Variants in ARHGAP32 observed in about 807,000 individuals in gnomAD.
The protein encoded by ARHGAP32 is Rho GTPase activating protein 32.
ARHGAP32 carries 51 observed loss-of-function variants against 186.5 expected under a neutral mutation model. The observed-to-expected ratio is 0.27, with a 90% CI of 0.22 to 0.35. The LOEUF is 0.35. Among genes scored for constraint, ARHGAP32 ranks in the 10% least tolerant of loss-of-function variants. The pLI is 1.00. For synonymous variants in ARHGAP32, 950 were observed against 964.3 expected (o/e 0.99, Z 0.27); for missense variants, 2,186 against 2,623.5 (o/e 0.83, Z 3.64).
intron 11 of ARHGAP32, among the ~76,000 whole-genome samples, chr11:129,016,325 C>T (rs1938335739): frequency 6.6e-6 from 1 of 152,084 alleles, no homozygotes; most frequent in Non-Finnish European, 1.5e-5. Flanking sequence ...TCTTTTATTG[C>T]ACAAATTTTT....
intron 1 of ARHGAP32, among the ~76,000 whole-genome samples, chr11:129,255,410 A>G (rs1565482188): frequency 6.6e-6 from 1 of 152,122 alleles, no homozygotes; most frequent in East Asian, 1.9e-4. Context: ...TCTAAACACA[A>G]AAGATAAAAC....
At chr11:129,017,824 G>C (rs1938423481) in intron 11 of ARHGAP32, among the ~76,000 whole-genome samples, 1 of 152,036 alleles carries the variant, frequency 6.6e-6, no homozygotes. Flanking sequence ...AAATTCACTT[G>C]GGTTTGTTGG....
At position 129,192,086 on chromosome 11, in the gene ARHGAP32, A is replaced by C. The variant is rs371449602; in HGVS notation, c.113T>G (p.Phe38Cys). 1.2e-5 allele frequency: 20 copies of C among 1,610,942 alleles called. No individual in the cohort carries two copies. The highest frequency in any genetic ancestry group is 1.7e-5 in the Admixed American group (1 of 59,972). ...DCEEEEREEK[F>C]RKMKSSVHSE... ...GAACTGTGAATTCCATAATCACCTG[A>C]ACTTCTCTTCCCTTTCTTCCTCTTC... The change falls in exon 1 of 23, where the codon TTC (phenylalanine) becomes TGC (cysteine). Residue 38 changes from phenylalanine (F) to cysteine (C), a missense_variant. Physicochemically the swap from Phe to Cys is radical, Grantham distance 205 (BLOSUM62 -2). Coordinates refer to ENST00000682385, the MANE Select transcript of ARHGAP32 (RefSeq NM_001378024.1).
intron 11 of ARHGAP32, among the ~76,000 whole-genome samples, chr11:129,024,541 G>T (rs1938747474): frequency 6.6e-6 from 1 of 152,142 alleles, no homozygotes; most frequent in Non-Finnish European, 1.5e-5. Flanking sequence ...CTGATACTGA[G>T]CTAAGATTGT....
chr11:129,058,342 T>A (rs898293226), intron 10 of ARHGAP32, among the ~76,000 whole-genome samples: 2 of 152,076 alleles, frequency 1.3e-5, no homozygotes, highest in African/African-American at 4.8e-5. Context: ...TATCAGAATA[T>A]ATGAAGTACC....
At chr11:129,207,568 C>A (rs1944529665) in intron 1 of ARHGAP32, among the ~76,000 whole-genome samples, 2 of 151,938 alleles carry the variant, frequency 1.3e-5, no homozygotes, top group African/African-American at 4.8e-5. Context: ...TATCCTTTGG[C>A]CACTTTTTTA....
intron 6 of ARHGAP32, among the ~76,000 whole-genome samples, chr11:129,070,130 A>G (rs950527988): frequency 2.6e-5 from 4 of 151,992 alleles, no homozygotes; most frequent in Non-Finnish European, 5.9e-5. Flanking sequence ...AATTTATACT[A>G]CCCTAGGCTA....
chr11:129,216,150 T>C (rs1944641393), intron 1 of ARHGAP32, among the ~76,000 whole-genome samples: 2 of 152,012 alleles, frequency 1.3e-5, no homozygotes, highest in South Asian at 2.1e-4. Context: ...GAAGAGTAAG[T>C]TTCTACTCTT....
chr11:129,270,127 C>G (rs1346262692), intron 1 of ARHGAP32, among the ~76,000 whole-genome samples: 1 of 151,078 alleles, frequency 6.6e-6, no homozygotes, highest in Non-Finnish European at 1.5e-5. Context: ...TGTCCTTCAG[C>G]AGGTGAATGA....
intron 2 of ARHGAP32, among the ~76,000 whole-genome samples, chr11:129,129,086 C>A (rs1942737376): frequency 6.6e-6 from 1 of 151,912 alleles, no homozygotes. Context: ...GCCGCCCCGT[C>A]TGGGATGTGA....
chr11:129,049,556 C>T (rs1236012046), intron 10 of ARHGAP32, among the ~76,000 whole-genome samples: 1 of 152,180 alleles, frequency 6.6e-6, no homozygotes, highest in Non-Finnish European at 1.5e-5. Flanking sequence ...CACTGCTCCT[C>T]GGGCAATTAC....
At chr11:129,072,642 G>A (rs1940905810) in intron 6 of ARHGAP32, among the ~76,000 whole-genome samples, 1 of 152,172 alleles carries the variant, frequency 6.6e-6, no homozygotes, top group South Asian at 2.1e-4. Context: ...GGGAACCAGT[G>A]CTAGGGTAGG....
chr11:129,150,580 A>G (rs1943266941), intron 2 of ARHGAP32, among the ~76,000 whole-genome samples: 1 of 152,188 alleles, frequency 6.6e-6, no homozygotes, highest in African/African-American at 2.4e-5. Flanking sequence ...CTTAAACAAA[A>G]TATTTGTCAG....
At position 128,969,399 on chromosome 11, in the gene ARHGAP32, TC is replaced by T. The variant is rs1398054021; in HGVS notation, c.5813del (p.Gly1938GlufsTer2). The stretch of plus-strand genomic sequence containing the variant: ...CTTGCCCGGATGCAGCATATTTTAC[TC>T]CAGAGTTGTGGTAGCTGACTGGCTC... ...TSEPVSYHNS[G>X]VKYAASGQES... is the part of the protein sequence containing the mutation. On this transcript the variant is annotated frameshift_variant, in exon 23 of 23. Coordinates refer to ENST00000682385, the MANE Select transcript of ARHGAP32 (RefSeq NM_001378024.1). LOFTEE classifies it high-confidence loss of function. This position sits in a 1 kb window ranked among gnomAD's most constrained non-coding sequence, Gnocchi z 4.8. 6.2e-7 allele frequency: 1 copy of T among 1,614,172 alleles called. No homozygotes were observed. The highest frequency in any genetic ancestry group is 8.5e-7 in the Non-Finnish European group (1 of 1,180,030).
chr11:129,197,904 T>C (rs561092668), intron 1 of ARHGAP32, among the ~76,000 whole-genome samples: 39 of 152,210 alleles, frequency 2.6e-4, no homozygotes, highest in Non-Finnish European at 4.1e-4. Context: ...ATATATACAT[T>C]GACATTTGGT....
At chr11:129,228,775 G>A (rs906506924) in intron 1 of ARHGAP32, among the ~76,000 whole-genome samples, 2 of 152,020 alleles carry the variant, frequency 1.3e-5, no homozygotes, top group Admixed American at 1.3e-4. Context: ...CTAGGTGATG[G>A]GTTGACAGGT....
At chr11:129,084,764 T>C (rs1382698264) in intron 6 of ARHGAP32, among the ~76,000 whole-genome samples, 1 of 152,192 alleles carries the variant, frequency 6.6e-6, no homozygotes, top group Non-Finnish European at 1.5e-5. Flanking sequence ...TGATGTTCTG[T>C]AATCAATTCT....
intron 1 of ARHGAP32, among the ~76,000 whole-genome samples, chr11:129,244,355 T>A (rs1054081368): frequency 6.6e-6 from 1 of 152,236 alleles, no homozygotes; most frequent in South Asian, 2.1e-4. Context: ...AGTTCCATAT[T>A]TTGCACTATT....
At chr11:129,157,978 C>T (rs1943448929) in intron 2 of ARHGAP32, among the ~76,000 whole-genome samples, 2 of 152,104 alleles carry the variant, frequency 1.3e-5, no homozygotes, top group Non-Finnish European at 2.9e-5. Context: ...CCAAACTAAG[C>T]TTCATAAGCA....
Sources: gnomAD v4.1 joint callset for allele counts (sites outside exome capture counted in the v4.1 genomes callset) on GRCh38, gnomAD v4.1.1 for gene constraint, Gnocchi (gnomAD v3.1) non-coding constraint, MANE v1.5 for transcripts, NCBI Gene and HGNC (gene_info 2026-07-23, HGNC 2026-07-21) for gene names.